Variants in DKC1 observed in about 807,000 individuals in gnomAD.
DKC1 encodes the protein H/ACA ribonucleoprotein complex subunit DKC1.
DKC1 carries 4 observed loss-of-function variants against 46.7 expected under a neutral mutation model. The observed-to-expected ratio is 0.09, with a 90% CI of 0.04 to 0.20. DKC1 has a LOEUF of 0.20. Ranked by LOEUF, DKC1 falls within the 10% of genes least tolerant of loss-of-function variation. The pLI is 1.00. For missense variants in DKC1, 171 were observed against 404.2 expected (o/e 0.42, Z 4.95); for synonymous variants, 141 against 142.4 (o/e 0.99, Z 0.07).
chrX:154,767,183 C>T (rs2071756704), intron 6 of DKC1, 73 bp from the exon 7 acceptor site: 2 of 1,200,831 alleles, frequency 1.7e-6, no homozygotes, highest in East Asian at 5.9e-5. Flanking sequence ...TCGGCTGCTG[C>T]AGCCAGCCTG....
At chrX:154,770,611 C>G in intron 9 of DKC1, 148 bp from the exon 10 acceptor site, 3 of 728,846 alleles carry the variant, frequency 4.1e-6, no homozygotes, top group Non-Finnish European at 6.3e-6. Flanking sequence ...CTGAGTACCA[C>G]TCATGCCCCT....
intron 10 of DKC1, among the ~76,000 whole-genome samples, chrX:154,772,551 G>C (rs1427390659): frequency 8.9e-6 from 1 of 112,407 alleles, no homozygotes; most frequent in Non-Finnish European, 1.9e-5. Flanking sequence ...TTTTGCTTAG[G>C]ATAGCTTTGG....
At chrX:154,771,926 C>T (rs782097959) in intron 10 of DKC1, among the ~76,000 whole-genome samples, 68 of 111,983 alleles carry the variant, frequency 6.1e-4, no homozygotes, top group Non-Finnish European at 9.6e-4. Context: ...TTCGAGGAAC[C>T]TCCAAACTGT....
rs150319104 is a variant in DKC1 at position 154,776,304 on chromosome X, G to A, written c.1456G>A (p.Gly486Arg). The change falls in exon 14 of 15, where the codon GGG becomes AGG. Residue 486 changes from glycine (G) to arginine (R), a missense_variant. By Grantham distance (125) the Gly-to-Arg change is moderately radical. This residue lies in a region of DKC1 where 54 missense variants were observed against 64.4 expected (regional missense o/e 0.84). Transcript: ENST00000369550. ...DKKAKAGLES[G>R]AEPGDGDSDT... ...GAAGGCCAAAGCTGGTCTGGAGAGC[G>A]GGGCCGAGCCTGGAGATGGGGTGTG... 3.4e-4 allele frequency: 402 copies of A among 1,198,011 alleles called. No homozygotes were observed. The African/African-American group carries it at 6.4e-3, about 19-fold the overall frequency.
chrX:154,776,788 T>C lies in DKC1; in HGVS notation c.1477-11T>C. On this transcript the variant is annotated splice_polypyrimidine_tract_variant and intron_variant, in intron 14 of 14. Coordinates refer to ENST00000369550, the MANE Select transcript of DKC1 (RefSeq NM_001363.5). ...ATGGTATCTGTGAGCTTTCATTCTC[T>C]TTCTTTCTAGGACAGTGATACCACC... The C allele has an allele frequency of 8.3e-7, 1 of 1,205,363 alleles. No individual in the cohort carries two copies. Among genetic ancestry groups the C allele is most frequent in the Non-Finnish European group, 1.1e-6 (1 of 890,780 alleles).
At position 154,773,123 on chromosome X, in the gene DKC1, G is replaced by A; in HGVS notation, c.1037-8G>A. On this transcript the variant is annotated splice_region_variant and splice_polypyrimidine_tract_variant and intron_variant, in intron 10 of 14. Transcript: ENST00000369550. ...CAAATAATTCTTTTCTTTATTCAAT[G>A]CCTGTAGCTATTGCATTAATGACCA... is the stretch of plus-strand genomic sequence containing the variant. 1 of 1,110,525 alleles carries A rather than the reference G, an allele frequency of 9.0e-7. No individual in the cohort carries two copies. The highest frequency in any genetic ancestry group is 1.2e-6 in the Non-Finnish European group (1 of 805,109). The allele number at this position is 1,110,525 out of a possible 1,213,427, so 91.5% of individuals were successfully genotyped here. A position where few individuals can be genotyped will look rare whatever the true frequency, so the allele number is the denominator to read the frequency against.
chrX:154,765,325 A>G (rs1167308856), intron 2 of DKC1, 119 bp from the exon 3 acceptor site: 4 of 623,533 alleles, frequency 6.4e-6, no homozygotes, highest in Non-Finnish European at 1.1e-5. Context: ...TGGAGGTCCC[A>G]GTGAAAAGGC....
chrX:154,775,176 A>T lies in DKC1; in HGVS notation c.1260-19A>T. 1 of 1,205,664 alleles carries T rather than the reference A, an allele frequency of 8.3e-7. No homozygotes were observed. Among genetic ancestry groups the T allele is most frequent in the African/African-American group, 1.7e-5 (1 of 57,681 alleles). On this transcript the variant is annotated intron_variant, in intron 12 of 14. Transcript: ENST00000369550. ...GAAAGCCATTCAGTGAATTTGACCT[A>T]TTGCTACCTCTTTTTCAGTGAGTCT...
intron 10 of DKC1, among the ~76,000 whole-genome samples, chrX:154,772,885 T>C (rs939527690): frequency 1.2e-4 from 13 of 111,911 alleles, no homozygotes; most frequent in African/African-American, 1.3e-4. Flanking sequence ...AAGCCTGTTA[T>C]GTGTATCGTT....
intron 10 of DKC1, among the ~76,000 whole-genome samples, chrX:154,772,444 A>G: frequency 8.9e-6 from 1 of 111,946 alleles, no homozygotes; most frequent in Non-Finnish European, 1.9e-5. Context: ...CCATTGGTTT[A>G]TGTGCCTGTT....
At position 154,763,129 on chromosome X, in the gene DKC1, C is replaced by CT. The variant is rs782626478; in HGVS notation, c.16+149dup. The CT allele has an allele frequency of 3.3e-5, 24 of 733,257 alleles. No homozygotes were observed. The East Asian group carries it at 5.0e-4, about 15-fold the overall frequency. 60.4% of individuals were successfully genotyped at this position (733,257 alleles called of 1,213,427 possible). On this transcript the variant is annotated intron_variant, in intron 1 of 14. Transcript: ENST00000369550. ...CCGCCCGGCCTTAAGCCGGCCTTGT[C>CT]TCTCGGCCCTGGCTCCGTGGCAAGG...
chrX:154,769,084 G>C, intron 8 of DKC1, 83 bp from the exon 9 acceptor site: 1 of 934,998 alleles, frequency 1.1e-6, no homozygotes, highest in Non-Finnish European at 1.5e-6. Context: ...GTAAACAAGT[G>C]ACATTCAGTT....
intron 13 of DKC1, among the ~76,000 whole-genome samples, chrX:154,775,776 G>A (rs2071888241): frequency 8.9e-6 from 1 of 112,409 alleles, no homozygotes; most frequent in South Asian, 3.7e-4. Context: ...TGGCATTAGA[G>A]CACAGAATGA....
At chrX:154,767,605 T>G (rs1334536279) in intron 7 of DKC1, among the ~76,000 whole-genome samples, 1 of 111,998 alleles carries the variant, frequency 8.9e-6, no homozygotes, top group Non-Finnish European at 1.9e-5. Context: ...TCTGCTGGAG[T>G]TGAAATGTTT....
At chrX:154,774,516 A>G (rs1569558611) in intron 11 of DKC1, 86 bp from the exon 12 acceptor site, 1 of 846,705 alleles carries the variant, frequency 1.2e-6, no homozygotes. Flanking sequence ...TACACCAGGG[A>G]GGAACCTTGT....
In DKC1 at chrX:154,766,896, G is replaced by A. The variant is rs782227356; in HGVS notation, c.449-101G>A. ...TATAGAAACACAAGGTCAAACTGCC[G>A]CTTTTCCTGCTGTGCAAAATGGGAG... On this transcript the variant is annotated intron_variant, in intron 5 of 14. Coordinates refer to ENST00000369550, the MANE Select transcript of DKC1 (RefSeq NM_001363.5). 26 of 778,129 alleles carry A rather than the reference G, an allele frequency of 3.3e-5. No homozygotes were observed. In the Middle Eastern group the frequency reaches 9.1e-4, roughly 27 times the overall value. The allele number at this position is 778,129 out of a possible 1,213,427, so 64.1% of individuals were successfully genotyped here. A position where few individuals can be genotyped will look rare whatever the true frequency, so the allele number is the denominator to read the frequency against.
intron 1 of DKC1, among the ~76,000 whole-genome samples, chrX:154,763,943 G>T (rs1244204828): frequency 4.5e-5 from 5 of 111,248 alleles, no homozygotes; most frequent in Non-Finnish European, 9.4e-5. Flanking sequence ...CGGATCACCT[G>T]CGGTCAGGAG....
Position 154,772,147 on chromosome X carries a change from G to T in DKC1, c.1037-984G>T, listed in dbSNP as rs1417123262. Among the ~76,000 whole-genome samples the T allele has an allele frequency of 2.7e-5, 3 of 112,232 alleles. No homozygotes were observed. In the Admixed American group the frequency reaches 2.8e-4, roughly 11 times the overall value. On this transcript the variant is annotated intron_variant, in intron 10 of 14. Coordinates refer to ENST00000369550, the MANE Select transcript of DKC1 (RefSeq NM_001363.5). ...TCATATGCCTGTTTGCCATTTATTT[G>T]TCTTCTTTTGAGAAGTGTCTGTTCA...
intron 8 of DKC1, 60 bp from the exon 9 acceptor site, chrX:154,769,107 G>A: frequency 2.6e-6 from 3 of 1,155,954 alleles, no homozygotes; most frequent in Non-Finnish European, 3.5e-6. Flanking sequence ...AGGAAGTTTG[G>A]GGTCTGATGG....
Sources: gnomAD v4.1 joint callset for allele counts (sites outside exome capture counted in the v4.1 genomes callset) on GRCh38, gnomAD v4.1.1 for gene constraint, gnomAD v4.1.1 regional missense constraint, MANE v1.5 for transcripts, NCBI Gene and HGNC (gene_info 2026-07-23, HGNC 2026-07-21) for gene names.